The following SAMSN1 variants were observed in gnomAD, a reference collection of about 807,000 sequenced individuals.
SAMSN1 encodes the protein SAM domain-containing protein SAMSN-1.
Under a neutral mutation model 42.0 loss-of-function variants are expected in SAMSN1, and 31 were observed. That is an observed-to-expected ratio of 0.74 (90% confidence interval 0.55 to 1.00). SAMSN1 has a LOEUF of 1.00. SAMSN1 is among the 50% of genes least tolerant of loss of function. The probability of loss-of-function intolerance (pLI) is 0.00; values close to 1 mark genes in which losing one functional copy is unlikely to be tolerated. For missense variants in SAMSN1, 464 were observed against 439.4 expected (o/e 1.06, Z -0.50); for synonymous variants, 178 against 151.9 (o/e 1.17, Z -1.26).
Position 14,546,277 on chromosome 21 carries a change from C to T in SAMSN1, c.-16G>A, listed in dbSNP as rs200618421. ...TCTTGAGCATTTTGAATTCTGACTA[C>T]TCCTAGTGAGTGCACTTTCTGCTGT... On this transcript the variant is annotated 5_prime_UTR_variant, in exon 1 of 8. Coordinates refer to ENST00000400566, the MANE Select transcript of SAMSN1 (RefSeq NM_022136.5). 8 of 1,612,960 alleles carry T rather than the reference C, an allele frequency of 5.0e-6. No homozygotes were observed. The highest frequency in any genetic ancestry group is 2.2e-5 in the East Asian group (1 of 44,828).
upstream of SAMSN1, among the ~76,000 whole-genome samples, chr21:14,550,317 C>A (rs543936091): frequency 3.3e-5 from 5 of 152,212 alleles, no homozygotes; most frequent in Admixed American, 2.0e-4. Flanking sequence ...CCAGCCCTAC[C>A]CAGCTCTTGA....
At chr21:14,488,368 A>C (rs1002167988) in intron 7 of SAMSN1, among the ~76,000 whole-genome samples, 1 of 152,170 alleles carries the variant, frequency 6.6e-6, no homozygotes, top group African/African-American at 2.4e-5. Context: ...GTTTGTTCCC[A>C]ACACTCTGTT....
intron 5 of SAMSN1, among the ~76,000 whole-genome samples, chr21:14,606,999 A>C: frequency 6.6e-6 from 1 of 152,218 alleles, no homozygotes; most frequent in Non-Finnish European, 1.5e-5. Flanking sequence ...TATCATTTTG[A>C]AATTGAAATT....
intron 7 of SAMSN1, chr21:14,495,683 A>T (rs964521670): frequency 2.6e-5 from 4 of 152,128 alleles, no homozygotes; most frequent in African/African-American, 9.7e-5. Flanking sequence ...AATTTCTGGG[A>T]CATGTCCTTT....
intron 2 of SAMSN1, among the ~76,000 whole-genome samples, chr21:14,520,456 G>C (rs1978383686): frequency 6.6e-6 from 1 of 152,126 alleles, no homozygotes; most frequent in Admixed American, 6.6e-5. Flanking sequence ...GAAATACTCA[G>C]GAAATTTGGA....
At chr21:14,516,843 T>C (rs759108723) in intron 3 of SAMSN1, 49 bp downstream of exon 3, 2 of 1,495,220 alleles carry the variant, frequency 1.3e-6, no homozygotes, top group Admixed American at 3.9e-5. Flanking sequence ...CTGAATAGTT[T>C]AAGAAAGTTT....
exon 2 of SAMSN1, chr21:14,582,221 A>C: frequency 1.3e-6 from 2 of 1,550,850 alleles, no homozygotes; most frequent in Non-Finnish European, 1.7e-6. Context: ...CCAGGGTCCA[A>C]CTTGTGCTAT....
chr21:14,517,091 A>C, intron 2 of SAMSN1, 50 bp from the exon 3 acceptor site: 1 of 1,512,798 alleles, frequency 6.6e-7, no homozygotes, highest in Non-Finnish European at 9.0e-7. Context: ...AATAAAAAAC[A>C]TTGATCTGAA....
At chr21:14,554,371 T>G (rs558862751) in intron 2 of SAMSN1, among the ~76,000 whole-genome samples, 114 of 152,236 alleles carry the variant, frequency 7.5e-4, no homozygotes, top group African/African-American at 2.6e-3. Flanking sequence ...ACTATTATGG[T>G]GTTGTTGGAA....
intron 3 of SAMSN1, among the ~76,000 whole-genome samples, chr21:14,614,211 A>AT (rs1982775980): frequency 6.6e-6 from 1 of 152,110 alleles, no homozygotes; most frequent in South Asian, 2.1e-4. Context: ...AATAATTCTT[A>AT]TTTTTTAATA....
At chr21:14,559,985 G>T (rs1035795555) in intron 2 of SAMSN1, among the ~76,000 whole-genome samples, 3 of 152,142 alleles carry the variant, frequency 2.0e-5, no homozygotes, top group African/African-American at 7.2e-5. Flanking sequence ...ATGGGCCTGG[G>T]ACTCTGTCAG....
intron 2 of SAMSN1, among the ~76,000 whole-genome samples, chr21:14,628,794 T>C (rs1983247448): frequency 6.6e-6 from 1 of 152,204 alleles, no homozygotes; most frequent in Admixed American, 6.5e-5. Flanking sequence ...ATTTTACACA[T>C]TTGCAGAATA....
At chr21:14,508,287 A>G (rs1349056681) in intron 5 of SAMSN1, among the ~76,000 whole-genome samples, 3 of 152,244 alleles carry the variant, frequency 2.0e-5, no homozygotes, top group Non-Finnish European at 4.4e-5. Flanking sequence ...AGGGTGGGAA[A>G]AAATTTTCAC....
intron 2 of SAMSN1, among the ~76,000 whole-genome samples, chr21:14,551,576 A>T (rs1035134704): frequency 6.6e-6 from 1 of 152,110 alleles, no homozygotes; most frequent in Non-Finnish European, 1.5e-5. Flanking sequence ...TTAAAGTCAT[A>T]TAAGGGCCAT....
rs184643095 is a variant in SAMSN1 at position 14,641,955 on chromosome 21, G to T, written c.156+1047C>A. Among the ~76,000 whole-genome samples the T allele has an allele frequency of 3.3e-5, 5 of 152,312 alleles. No individual in the cohort carries two copies. The South Asian group carries it at 6.2e-4, about 19-fold the overall frequency. ...TAAATAGTCAATCGATACACATGTTGTATGTTATATGTATTATATACTGTG... is the reference window on the plus strand; with the variant it reads ...TAAATAGTCAATCGATACACATGTTTTATGTTATATGTATTATATACTGTG... On this transcript the variant is annotated intron_variant, in intron 2 of 15. Transcript: ENST00000647101.
upstream of SAMSN1, among the ~76,000 whole-genome samples, chr21:14,587,447 T>C (rs1321491812): frequency 6.6e-6 from 1 of 152,190 alleles, no homozygotes; most frequent in Non-Finnish European, 1.5e-5. Context: ...TGTGACACCA[T>C]GTTCCTCTGA....
intron 1 of SAMSN1, chr21:14,582,505 T>G (rs756685393): frequency 1.1e-6 from 1 of 900,852 alleles, no homozygotes; most frequent in Non-Finnish European, 1.7e-6. Context: ...GACAAAGAAA[T>G]AGGTTAAAAA....
intron 5 of SAMSN1, among the ~76,000 whole-genome samples, chr21:14,501,377 G>A (rs1485162452): frequency 6.6e-6 from 1 of 152,144 alleles, no homozygotes; most frequent in Non-Finnish European, 1.5e-5. Flanking sequence ...CATTATTAAT[G>A]TAGATATTAC....
rs753871555 is a variant in SAMSN1 at position 14,498,433 on chromosome 21, C to T, written c.919+9G>A. 2.1e-5 allele frequency: 33 copies of T among 1,602,430 alleles called. No individual in the cohort carries two copies. The highest frequency in any genetic ancestry group is 2.7e-5 in the Non-Finnish European group (32 of 1,173,984). On this transcript the variant is annotated intron_variant, in intron 7 of 7. Coordinates refer to ENST00000400566, the MANE Select transcript of SAMSN1 (RefSeq NM_022136.5). ...TCAGCTGGGGAGAAGAGTAGGTGTA[C>T]ACACTTACTTTCTTCTTCAAGGAAG...
Sources: allele counts gnomAD v4.1 joint callset (sites outside exome capture counted in the v4.1 genomes callset), GRCh38; gene constraint gnomAD v4.1.1; transcripts MANE v1.5; gene names NCBI Gene and HGNC (gene_info 2026-07-23, HGNC 2026-07-21).